ADAMTSL3: variants seen among roughly 807,000 people sequenced by gnomAD.
ADAMTSL3 encodes the protein ADAMTS-like protein 3.
In ADAMTSL3, 128 loss-of-function variants were observed where a neutral mutation model predicts 201.7. The observed-to-expected ratio is 0.63, with a 90% CI of 0.55 to 0.73. The LOEUF (loss-of-function observed/expected upper bound fraction) is 0.73, where lower values mean the gene tolerates loss of function less well. Ranked by LOEUF, ADAMTSL3 falls within the 30% of genes least tolerant of loss-of-function variation. ADAMTSL3 has a pLI of 0.00. For missense variants in ADAMTSL3, 1,990 were observed against 2,119.6 expected, an observed-to-expected ratio of 0.94 and a Z score of 1.20; for synonymous variants, 738 against 748.4, an observed-to-expected ratio of 0.99 and a Z score of 0.23.
At chr15:83,947,239 ACT>A (rs1266401103) in intron 19 of ADAMTSL3, among the ~76,000 whole-genome samples, 1 of 152,142 alleles carries the variant, frequency 6.6e-6, no homozygotes, top group African/African-American at 2.4e-5. Context: ...CCACGTTGAA[ACT>A]GGCCACTAAC....
intron 3 of ADAMTSL3, among the ~76,000 whole-genome samples, chr15:83,719,083 C>T (rs989357709): frequency 4.6e-5 from 7 of 152,150 alleles, no homozygotes; most frequent in Admixed American, 1.3e-4. Flanking sequence ...GACAGCCAAA[C>T]AGTGTACATC....
Position 83,858,816 on chromosome 15 carries a change from A to G in ADAMTSL3, c.778A>G (p.Thr260Ala). 6.2e-7 allele frequency: 1 copy of G among 1,613,656 alleles called. No individual in the cohort carries two copies. The highest frequency in any genetic ancestry group is 8.5e-7 in the Non-Finnish European group (1 of 1,179,622). Residue 260 changes from threonine (T) to alanine (A), a missense_variant, in exon 8 of 30, where the codon ACA becomes GCA. Physicochemically the swap from Thr to Ala is moderately conservative, Grantham distance 58. Transcript: ENST00000286744. The part of the protein sequence containing the change: ...VPLGSRSVRI[T>A]VKGPAHLFIE... ...TTTGGGAAGTCGAAGTGTGAGAATT[A>G]CAGTGAAAGGACCTGCCCACCTCTG...
In ADAMTSL3 at chr15:83,826,973, G is replaced by A. The variant is rs1467415488; in HGVS notation, c.600+6926G>A. ...GTGAATAGTGCCGTAATAAACATAC[G>A]TGTGCCTGTGTCTTTATAGCAGCAT... is the stretch of plus-strand genomic sequence containing the variant. On this transcript the variant is annotated intron_variant, in intron 6 of 29. Coordinates refer to ENST00000286744, the MANE Select transcript of ADAMTSL3 (RefSeq NM_207517.3). Among the ~76,000 whole-genome samples the A allele has an allele frequency of 7.2e-5, 11 of 152,138 alleles. No individual in the cohort carries two copies. The East Asian group carries it at 7.7e-4, about 11-fold the overall frequency.
At chr15:84,012,501 C>G (rs1012124074) in intron 23 of ADAMTSL3, among the ~76,000 whole-genome samples, 11 of 152,216 alleles carry the variant, frequency 7.2e-5, no homozygotes, top group South Asian at 2.1e-4. Context: ...TTGAATCTCT[C>G]TGAACTCCTC....
intron 3 of ADAMTSL3, among the ~76,000 whole-genome samples, chr15:83,761,017 A>C (rs1258666037): frequency 6.6e-6 from 1 of 152,144 alleles, no homozygotes; most frequent in African/African-American, 2.4e-5. Flanking sequence ...AAATTTATCC[A>C]TCTGCCTACA....
intron 3 of ADAMTSL3, among the ~76,000 whole-genome samples, chr15:83,728,050 G>A (rs138447043): frequency 1.5e-3 from 228 of 152,032 alleles, no homozygotes; most frequent in Non-Finnish European, 2.3e-3. Flanking sequence ...GTGATCCAGT[G>A]TTGGGTGCAT....
At chr15:84,005,991 A>G (rs1313911880) in intron 23 of ADAMTSL3, among the ~76,000 whole-genome samples, 4 of 152,372 alleles carry the variant, frequency 2.6e-5, no homozygotes, top group East Asian at 3.9e-4. Context: ...ATTGTATCCA[A>G]AAAGCATACA....
At chr15:83,834,581 T>C (rs147539093) in intron 6 of ADAMTSL3, among the ~76,000 whole-genome samples, 2,224 of 152,364 alleles carry the variant, frequency 0.015, 145 homozygotes, top group Admixed American at 0.12. Context: ...TTAAGTATTA[T>C]CATCTTTTAG....
At chr15:83,836,071 A>G (rs2064263350) in intron 6 of ADAMTSL3, among the ~76,000 whole-genome samples, 1 of 152,260 alleles carries the variant, frequency 6.6e-6, no homozygotes, top group South Asian at 2.1e-4. Flanking sequence ...AATGCCAGGT[A>G]CATGCTAAGC....
intron 3 of ADAMTSL3, among the ~76,000 whole-genome samples, chr15:83,726,573 T>C (rs1006496388): frequency 1.1e-4 from 17 of 152,146 alleles, no homozygotes; most frequent in Non-Finnish European, 2.4e-4. Flanking sequence ...GTTCCTTCTA[T>C]ATCTAGTTTT....
At chr15:83,909,693 C>T (rs949885867) in intron 15 of ADAMTSL3, among the ~76,000 whole-genome samples, 2 of 152,094 alleles carry the variant, frequency 1.3e-5, no homozygotes, top group African/African-American at 4.8e-5. Context: ...CAGCTCACTG[C>T]AACCTCTGCC....
At chr15:83,874,704 A>C (rs2141837942) in intron 9 of ADAMTSL3, among the ~76,000 whole-genome samples, 1 of 139,222 alleles carries the variant, frequency 7.2e-6, no homozygotes, top group Admixed American at 6.9e-5. Flanking sequence ...TCCCAGCCAC[A>C]CCACCGAGAA....
In ADAMTSL3 at chr15:84,039,667, TAA is replaced by T. The variant is rs2068571696; in HGVS notation, c.*1864_*1865del. 1 of 152,696 alleles carries T rather than the reference TAA, an allele frequency of 6.5e-6. No homozygotes were observed. Among genetic ancestry groups the T allele is most frequent in the Non-Finnish European group, 1.5e-5 (1 of 68,052 alleles). 9.5% of individuals were successfully genotyped at this position (152,696 alleles called of 1,614,324 possible). On this transcript the variant is annotated 3_prime_UTR_variant, in exon 30 of 30. Transcript: ENST00000286744. ...AATTGCTTCACTTTGTATTTAAAGT[TAA>T]AAGTTACTATTTTTCATTTGCTATT...
chr15:83,823,953 T>A lies in ADAMTSL3; in HGVS notation c.600+3906T>A, dbSNP rs867752635. On this transcript the variant is annotated intron_variant, in intron 6 of 29. Transcript: ENST00000286744. ...CTTCTTCTTCTTCTTCTTCTTCTTC[T>A]TCTTCTTCTTCTTCTTCTTCTCCTC... Among the ~76,000 whole-genome samples, 96 of 89,482 alleles carry A rather than the reference T, an allele frequency of 1.1e-3. 3 individuals carry two copies. Among genetic ancestry groups the A allele is most frequent in the South Asian group, 3.7e-3 (11 of 2,952 alleles). 58.7% of individuals were successfully genotyped at this position (89,482 alleles called of 152,430 possible). A position where few individuals can be genotyped will look rare whatever the true frequency, so the allele number is the denominator to read the frequency against.
chr15:84,021,692 T>C, intron 26 of ADAMTSL3, 99 bp downstream of exon 26: 1 of 1,321,506 alleles, frequency 7.6e-7, no homozygotes, highest in South Asian at 1.5e-5. Flanking sequence ...CTAAGTTTTT[T>C]TTATCACTTA....
At chr15:83,733,664 A>C (rs566303772) in intron 3 of ADAMTSL3, among the ~76,000 whole-genome samples, 3 of 152,242 alleles carry the variant, frequency 2.0e-5, no homozygotes, top group East Asian at 3.9e-4. Context: ...CTAATCTTTG[A>C]AGGAAGCTCT....
At chr15:83,892,605 C>T (rs2065530088) in intron 12 of ADAMTSL3, 79 bp from the exon 13 acceptor site, 3 of 1,389,998 alleles carry the variant, frequency 2.2e-6, no homozygotes, top group Admixed American at 2.0e-5. Context: ...TACCTTAAGG[C>T]CATACTTTTT....
rs867832979 is a variant in ADAMTSL3, at chr15:83,821,976, G to A, written c.600+1929G>A. Among the ~76,000 whole-genome samples the A allele has an allele frequency of 2.7e-3, 401 of 147,264 alleles. 7 individuals carry two copies. Among genetic ancestry groups the A allele is most frequent in the African/African-American group, 9.6e-3 (381 of 39,672 alleles). On this transcript the variant is annotated intron_variant, in intron 6 of 29. Coordinates refer to ENST00000286744, the MANE Select transcript of ADAMTSL3 (RefSeq NM_207517.3). The stretch of plus-strand genomic sequence containing the variant: ...CAGAGGCGCCCCTCACCTCCCGGAC[G>A]GGGCTGCTGGCCGGGCGGGTTGCTG...
intron 4 of ADAMTSL3, among the ~76,000 whole-genome samples, chr15:83,782,957 T>A (rs956557427): frequency 6.8e-6 from 1 of 146,236 alleles, no homozygotes; most frequent in Non-Finnish European, 1.5e-5. Flanking sequence ...ACATATATAT[T>A]ATATATACAT....
Sources: allele counts gnomAD v4.1 joint callset (sites outside exome capture counted in the v4.1 genomes callset), GRCh38; gene constraint gnomAD v4.1.1; transcripts MANE v1.5; gene names NCBI Gene and HGNC (gene_info 2026-07-23, HGNC 2026-07-21).